Variants in VWA3B observed in about 807,000 individuals in gnomAD.
VWA3B encodes the protein von Willebrand factor A domain-containing protein 3B.
Under a neutral mutation model 158.3 loss-of-function variants are expected in VWA3B, and 138 were observed. The ratio of observed to expected loss-of-function variants is 0.87; its 90% CI spans 0.76 to 1.00. VWA3B has a LOEUF of 1.00. Among genes scored for constraint, VWA3B ranks in the 50% least tolerant of loss-of-function variants. VWA3B has a pLI of 0.00. For missense variants in VWA3B, 1,555 were observed against 1,565.1 expected (o/e 0.99, Z 0.11); for synonymous variants, 596 against 587.3 (o/e 1.01, Z -0.21).
At chr2:98,195,105 C>T (rs1346801916) in intron 12 of VWA3B, among the ~76,000 whole-genome samples, 1 of 152,098 alleles carries the variant, frequency 6.6e-6, no homozygotes, top group African/African-American at 2.4e-5. Context: ...TGCGAACTTC[C>T]AAATATTTGA....
chr2:98,279,958 A>G (rs1688773409), intron 22 of VWA3B, among the ~76,000 whole-genome samples: 1 of 152,244 alleles, frequency 6.6e-6, no homozygotes, highest in South Asian at 2.1e-4. Flanking sequence ...TTAAAGACTC[A>G]GAATTCATTT....
chr2:98,251,569 C>T (rs762401216), intron 20 of VWA3B, among the ~76,000 whole-genome samples: 4 of 152,146 alleles, frequency 2.6e-5, no homozygotes, highest in Non-Finnish European at 5.9e-5. Flanking sequence ...TTCTGCAGGC[C>T]AGCCTGTCCT....
intron 4 of VWA3B, 133 bp downstream of exon 4, chr2:98,119,896 G>T: frequency 8.5e-7 from 1 of 1,178,798 alleles, no homozygotes; most frequent in Non-Finnish European, 1.2e-6. Context: ...TTTCCTAGAA[G>T]ATGTAATTTC....
intron 26 of VWA3B, among the ~76,000 whole-genome samples, chr2:98,308,356 G>A (rs1690657233): frequency 6.6e-6 from 1 of 152,196 alleles, no homozygotes; most frequent in Non-Finnish European, 1.5e-5. Flanking sequence ...CTTCCGTTCA[G>A]GAGTGTCCCT....
chr2:98,257,924 A>C (rs1184232209), intron 21 of VWA3B, among the ~76,000 whole-genome samples: 1 of 151,754 alleles, frequency 6.6e-6, no homozygotes, highest in South Asian at 2.1e-4. Context: ...CTAAGAATCC[A>C]TTGCCAAATA....
chr2:98,267,525 G>C (rs1209814154), intron 21 of VWA3B, among the ~76,000 whole-genome samples: 1 of 151,980 alleles, frequency 6.6e-6, no homozygotes, highest in Non-Finnish European at 1.5e-5. Context: ...GAATCTCTGG[G>C]ACGCATTCAT....
intron 3 of VWA3B, 32 bp downstream of exon 3, chr2:98,115,778 G>A (rs1476690706): frequency 2.6e-6 from 4 of 1,547,688 alleles, no homozygotes; most frequent in South Asian, 1.1e-5. Context: ...GCGCAGTCCT[G>A]TGACATGGTG....
intron 5 of VWA3B, among the ~76,000 whole-genome samples, chr2:98,124,365 T>C (rs1406483747): frequency 2.0e-5 from 3 of 152,128 alleles, no homozygotes; most frequent in Non-Finnish European, 4.4e-5. Context: ...AACAGGTGAA[T>C]TTGCTGAGTC....
At chr2:98,160,593 A>G (rs1265070405) in intron 7 of VWA3B, among the ~76,000 whole-genome samples, 1 of 152,120 alleles carries the variant, frequency 6.6e-6, no homozygotes, top group Non-Finnish European at 1.5e-5. Flanking sequence ...CCCTCTTAAG[A>G]TATTATTGAC....
At chr2:98,135,997 T>C (rs530902549) in intron 7 of VWA3B, among the ~76,000 whole-genome samples, 1 of 152,344 alleles carries the variant, frequency 6.6e-6, no homozygotes, top group Non-Finnish European at 1.5e-5. Flanking sequence ...GAGTGACTTC[T>C]TACATTATTT....
chr2:98,115,700 G>T lies in VWA3B; in HGVS notation c.245G>T (p.Gly82Val), dbSNP rs1265793916. Residue 82 changes from glycine (G) to valine (V), a missense_variant, in exon 3 of 28, where the codon GGT becomes GTT. Coordinates refer to ENST00000477737, the MANE Select transcript of VWA3B (RefSeq NM_144992.5). ...CCTGTGGCTTCTCGGTATGCTGATG[G>T]TCTGTTTCCACAGCTCTACAGAGCA... The part of the protein sequence containing the change: ...GRPVASRYAD[G>V]LFPQLYRAED... 1 of 1,613,614 alleles carries T rather than the reference G, an allele frequency of 6.2e-7. No homozygotes were observed. Among genetic ancestry groups the T allele is most frequent in the African/African-American group, 1.3e-5 (1 of 74,916 alleles).
At chr2:98,145,547 G>A (rs546722843) in intron 7 of VWA3B, among the ~76,000 whole-genome samples, 1 of 152,156 alleles carries the variant, frequency 6.6e-6, no homozygotes, top group Admixed American at 6.5e-5. Flanking sequence ...TATCTGTCTG[G>A]TGTATCTCCT....
At chr2:98,175,700 T>G (rs1346574973) in intron 8 of VWA3B, among the ~76,000 whole-genome samples, 1 of 152,186 alleles carries the variant, frequency 6.6e-6, no homozygotes. Flanking sequence ...AAAACATTAA[T>G]TTACCCATCC....
At chr2:98,148,813 GC>G (rs1412419923) in intron 7 of VWA3B, among the ~76,000 whole-genome samples, 4 of 152,142 alleles carry the variant, frequency 2.6e-5, no homozygotes, top group Non-Finnish European at 5.9e-5. Flanking sequence ...CATCTGCTGT[GC>G]TTCAGGGCTC....
intron 16 of VWA3B, among the ~76,000 whole-genome samples, chr2:98,231,205 C>T (rs1685313998): frequency 6.6e-6 from 1 of 152,152 alleles, no homozygotes; most frequent in Non-Finnish European, 1.5e-5. Context: ...CAATTCTCAG[C>T]TCATTTATCT....
At chr2:98,089,662 C>CCATTTGTATTT (rs1559522890) in intron 1 of VWA3B, among the ~76,000 whole-genome samples, 13 of 146,316 alleles carry the variant, frequency 8.9e-5, no homozygotes, top group African/African-American at 3.3e-4. Context: ...TTTTTTTTTT[C>CCATTTGTATTT]CAGACAATAC....
chr2:98,329,606 G>A, the VWA3B span, among the ~76,000 whole-genome samples: 6 of 152,044 alleles, frequency 3.9e-5, no homozygotes, highest in African/African-American at 1.4e-4. Context: ...AATTATGGTA[G>A]TCACCAGGAA....
intron 12 of VWA3B, among the ~76,000 whole-genome samples, chr2:98,199,198 T>C (rs1490713125): frequency 6.6e-6 from 1 of 152,244 alleles, no homozygotes; most frequent in African/African-American, 2.4e-5. Flanking sequence ...ATAAGTAGTG[T>C]TTTTATTAAT....
intron 25 of VWA3B, among the ~76,000 whole-genome samples, chr2:98,302,195 G>T (rs62155304): frequency 0.36 from 54,799 of 151,610 alleles, 10,840 homozygotes; most frequent in Non-Finnish European, 0.46. Context: ...TTCCTGGACT[G>T]CCCTCCCCAT....
Sources: gnomAD v4.1 joint callset for allele counts (sites outside exome capture counted in the v4.1 genomes callset) on GRCh38, gnomAD v4.1.1 for gene constraint, MANE v1.5 for transcripts, NCBI Gene and HGNC (gene_info 2026-07-23, HGNC 2026-07-21) for gene names.